Variants in AUTS2 observed in about 807,000 individuals in gnomAD.
AUTS2 encodes the protein autism susceptibility gene 2 protein.
A neutral mutation model predicts 112.4 loss-of-function variants in AUTS2; 17 were observed. The ratio of observed to expected loss-of-function variants is 0.15; its 90% CI spans 0.10 to 0.23. The LOEUF is 0.23. AUTS2 is among the 10% of genes least tolerant of loss of function. The pLI, the probability that AUTS2 is intolerant of heterozygous loss-of-function variation, is 1.00. For missense variants in AUTS2, 1,510 were observed against 1,701.6 expected, an observed-to-expected ratio of 0.89 and a Z score of 1.98; for synonymous variants, 751 against 702.7, an observed-to-expected ratio of 1.07 and a Z score of -1.09.
chr7:70,608,927 AAATTTAAAT>A, intron 5 of AUTS2, among the ~76,000 whole-genome samples: 1 of 152,220 alleles, frequency 6.6e-6, no homozygotes, highest in African/African-American at 2.4e-5. Context: ...GTTATTTTTA[AAATTTAAAT>A]ACATTCATTT....
At chr7:70,162,706 T>A (rs188213794) in intron 4 of AUTS2, among the ~76,000 whole-genome samples, 183 of 152,250 alleles carry the variant, frequency 1.2e-3, no homozygotes, top group African/African-American at 4.1e-3. Context: ...AACATATTTT[T>A]ATAAAAATGA....
chr7:70,783,272 C>G (rs1791210834), intron 15 of AUTS2: 1 of 152,164 alleles, frequency 6.6e-6, no homozygotes, highest in Non-Finnish European at 1.5e-5. Context: ...GGCGGGGTAT[C>G]ATTTTTACAC....
At chr7:69,644,466 G>T (rs1794934293) in intron 1 of AUTS2, among the ~76,000 whole-genome samples, 1 of 149,600 alleles carries the variant, frequency 6.7e-6, no homozygotes, top group Non-Finnish European at 1.5e-5. Context: ...GTTATGTAGT[G>T]AATTCTCAAT....
At chr7:70,669,383 GT>G (rs1563115163) in intron 5 of AUTS2, among the ~76,000 whole-genome samples, 1 of 152,226 alleles carries the variant, frequency 6.6e-6, no homozygotes, top group East Asian at 1.9e-4. Flanking sequence ...TAAGGATCTT[GT>G]TTCTCTGGCT....
chr7:70,047,899 C>T (rs180720958), intron 2 of AUTS2, among the ~76,000 whole-genome samples: 34 of 152,140 alleles, frequency 2.2e-4, no homozygotes, highest in African/African-American at 5.1e-4. Flanking sequence ...TTTGATACAA[C>T]GCTTGACATA....
intron 5 of AUTS2, among the ~76,000 whole-genome samples, chr7:70,685,458 G>A (rs1808420994): frequency 8.0e-6 from 1 of 124,656 alleles, no homozygotes; most frequent in African/African-American, 3.1e-5. Context: ...GAGTGACAGA[G>A]CAAGACTCTG....
At chr7:69,936,222 C>T (rs552802540) in intron 2 of AUTS2, among the ~76,000 whole-genome samples, 1 of 152,144 alleles carries the variant, frequency 6.6e-6, no homozygotes, top group East Asian at 1.9e-4. Flanking sequence ...AAAGTTTTTC[C>T]TCCAAAGCTT....
At chr7:70,597,027 AG>A (rs1803245465) in intron 5 of AUTS2, among the ~76,000 whole-genome samples, 1 of 152,252 alleles carries the variant, frequency 6.6e-6, no homozygotes, top group South Asian at 2.1e-4. Flanking sequence ...ATATAATTAT[AG>A]TGCACTTTTT....
chr7:70,415,817 G>C (rs1794965875), intron 4 of AUTS2, among the ~76,000 whole-genome samples: 2 of 152,190 alleles, frequency 1.3e-5, no homozygotes, highest in South Asian at 4.1e-4. Context: ...CATTTGTAAG[G>C]CTCTTGGGGC....
At chr7:69,869,177 T>C (rs1050594737) in intron 1 of AUTS2, among the ~76,000 whole-genome samples, 7 of 152,084 alleles carry the variant, frequency 4.6e-5, no homozygotes, top group Non-Finnish European at 8.8e-5. Flanking sequence ...TGCACAACCG[T>C]AGGGAGAAAT....
At chr7:70,257,866 A>G (rs1483514851) in intron 4 of AUTS2, among the ~76,000 whole-genome samples, 2 of 152,296 alleles carry the variant, frequency 1.3e-5, no homozygotes, top group African/African-American at 2.4e-5. Context: ...GAATTGAGGT[A>G]GGCTGACAAC....
chr7:69,914,360 C>CACAG (rs1273402507), intron 2 of AUTS2, among the ~76,000 whole-genome samples: 12 of 139,376 alleles, frequency 8.6e-5, no homozygotes, highest in African/African-American at 3.4e-4. Context: ...CACACAGACA[C>CACAG]ACACACACAC....
Position 70,015,837 on chromosome 7 carries a change from A to AGTT in AUTS2, c.523-102273_523-102271dup, listed in dbSNP as rs376646110. 3.6e-3 allele frequency among the ~76,000 whole-genome samples: 531 copies of AGTT among 145,654 alleles called. 8 individuals carry two copies. Among genetic ancestry groups the AGTT allele is most frequent in the African/African-American group, 0.012 (484 of 39,152 alleles). Reference sequence around the variant, plus strand: ...TTTTTTTAGCATCCAGTGGCCACCTAGTTGTTGTTGTTGTTGTTGTTGTTT... The same window carrying AGTT: ...TTTTTTTAGCATCCAGTGGCCACCTAGTTGTTGTTGTTGTTGTTGTTGTTGTTT... On this transcript the variant is annotated intron_variant, in intron 2 of 18. Transcript: ENST00000342771.
intron 5 of AUTS2, among the ~76,000 whole-genome samples, chr7:70,646,970 C>G (rs1364610131): frequency 6.6e-6 from 1 of 152,226 alleles, no homozygotes; most frequent in African/African-American, 2.4e-5. Context: ...CAGTTTCAAA[C>G]TCAGGGCTGA....
chr7:70,425,511 A>G (rs1795395841), intron 4 of AUTS2, among the ~76,000 whole-genome samples: 1 of 152,210 alleles, frequency 6.6e-6, no homozygotes, highest in Admixed American at 6.5e-5. Flanking sequence ...GGGCTATAGC[A>G]CACAGGCAGC....
intron 1 of AUTS2, among the ~76,000 whole-genome samples, chr7:69,606,644 A>T (rs890293265): frequency 2.0e-5 from 3 of 152,250 alleles, no homozygotes; most frequent in Non-Finnish European, 4.4e-5. Context: ...ATGTAGGATA[A>T]AGAACCTAGT....
chr7:69,841,925 T>C (rs370303025), intron 1 of AUTS2, among the ~76,000 whole-genome samples: 2 of 152,228 alleles, frequency 1.3e-5, no homozygotes, highest in Admixed American at 6.5e-5. Flanking sequence ...AAGTATCATA[T>C]CTGCAATTCA....
At chr7:70,722,191 C>T (rs1786730920) in intron 6 of AUTS2, among the ~76,000 whole-genome samples, 3 of 152,230 alleles carry the variant, frequency 2.0e-5, no homozygotes, top group African/African-American at 7.2e-5. Context: ...TTAAAGAGCC[C>T]AGGCTGGTTG....
chr7:69,702,851 G>A (rs1056380988), intron 1 of AUTS2, among the ~76,000 whole-genome samples: 22 of 152,136 alleles, frequency 1.4e-4, no homozygotes, highest in Non-Finnish European at 2.6e-4. Flanking sequence ...CCTCCTTTGG[G>A]TTCTCGGCTT....
Sources: allele counts gnomAD v4.1 joint callset (sites outside exome capture counted in the v4.1 genomes callset), GRCh38; gene constraint gnomAD v4.1.1; transcripts MANE v1.5; gene names NCBI Gene and HGNC (gene_info 2026-07-23, HGNC 2026-07-21).